Variants in RBFOX1 observed in about 807,000 individuals in gnomAD.
The protein encoded by RBFOX1 is RNA binding protein fox-1 homolog 1.
In RBFOX1, 8 loss-of-function variants were observed where a neutral mutation model predicts 57.7. The ratio of observed to expected loss-of-function variants is 0.14; its 90% CI spans 0.08 to 0.25. The LOEUF (loss-of-function observed/expected upper bound fraction) is 0.25, where lower values mean the gene tolerates loss of function less well. RBFOX1 is among the 10% of genes least tolerant of loss of function. The pLI is 1.00. For synonymous variants in RBFOX1, 326 were observed against 222.4 expected (o/e 1.47, Z -4.15); for missense variants, 611 against 548.5 (o/e 1.11, Z -1.14).
intron 2 of RBFOX1, among the ~76,000 whole-genome samples, chr16:6,590,867 T>C (rs1046836353): frequency 5.9e-5 from 9 of 152,044 alleles, no homozygotes; most frequent in Non-Finnish European, 2.9e-5. Flanking sequence ...TGTACAGTTA[T>C]AAGGAGTGAC....
chr16:6,984,959 C>G (rs572781377), intron 3 of RBFOX1, among the ~76,000 whole-genome samples: 2 of 152,068 alleles, frequency 1.3e-5, no homozygotes, highest in Admixed American at 6.6e-5. Context: ...ACTTACAAAT[C>G]TACTGTAAGG....
chr16:5,976,361 A>C (rs1441999352), intron 4 of RBFOX1, among the ~76,000 whole-genome samples: 2 of 152,120 alleles, frequency 1.3e-5, no homozygotes, highest in Non-Finnish European at 2.9e-5. Context: ...TAGTCTCTAA[A>C]ATGTTACATA....
chr16:6,901,180 G>C (rs1429884266), intron 3 of RBFOX1, among the ~76,000 whole-genome samples: 2 of 152,202 alleles, frequency 1.3e-5, no homozygotes, highest in African/African-American at 4.8e-5. Context: ...TCTAACATAG[G>C]TATTCAATAA....
chr16:6,202,146 C>T (rs765604665), intron 1 of RBFOX1, among the ~76,000 whole-genome samples: 21 of 152,264 alleles, frequency 1.4e-4, no homozygotes, highest in Non-Finnish European at 2.5e-4. Flanking sequence ...CAGTTTCTAA[C>T]GGAGCAACTT....
At chr16:6,781,007 A>G (rs996172869) in intron 3 of RBFOX1, among the ~76,000 whole-genome samples, 1 of 151,982 alleles carries the variant, frequency 6.6e-6, no homozygotes, top group African/African-American at 2.4e-5. Flanking sequence ...ATGTGATCCC[A>G]TTTGACCATT....
chr16:6,725,052 TTTTTTC>T (rs1422042342), intron 3 of RBFOX1, among the ~76,000 whole-genome samples: 21 of 51,180 alleles, frequency 4.1e-4, no homozygotes, highest in African/African-American at 8.2e-4. Context: ...CTTTTTTTTT[TTTTTTC>T]TTTTTTTTTT....
intron 4 of RBFOX1, among the ~76,000 whole-genome samples, chr16:5,955,010 G>A (rs1162650244): frequency 1.3e-5 from 2 of 149,446 alleles, no homozygotes; most frequent in Non-Finnish European, 3.0e-5. Flanking sequence ...GCTGGACGTG[G>A]CAGCTCATCC....
At chr16:6,735,049 G>A (rs2069760678) in intron 3 of RBFOX1, among the ~76,000 whole-genome samples, 1 of 152,070 alleles carries the variant, frequency 6.6e-6, no homozygotes, top group Non-Finnish European at 1.5e-5. Flanking sequence ...GAAGACTGAG[G>A]TGGAGGGATC....
At chr16:6,295,641 T>C (rs1197677332) in intron 1 of RBFOX1, among the ~76,000 whole-genome samples, 3 of 152,218 alleles carry the variant, frequency 2.0e-5, no homozygotes, top group Non-Finnish European at 4.4e-5. Context: ...TTATGAGCGG[T>C]CTCATTTCAC....
intron 3 of RBFOX1, among the ~76,000 whole-genome samples, chr16:6,993,771 A>C (rs887380312): frequency 3.0e-4 from 45 of 152,116 alleles, no homozygotes; most frequent in African/African-American, 1.1e-3. Context: ...GGAGATCATA[A>C]ATCTGCCATC....
At chr16:6,744,908 G>C (rs1408395305) in intron 3 of RBFOX1, among the ~76,000 whole-genome samples, 1 of 151,974 alleles carries the variant, frequency 6.6e-6, no homozygotes, top group Non-Finnish European at 1.5e-5. Context: ...CTGGTGTTTT[G>C]AGAAAATTAG....
intron 1 of RBFOX1, among the ~76,000 whole-genome samples, chr16:6,152,346 T>C (rs1287607453): frequency 6.6e-6 from 1 of 152,132 alleles, no homozygotes; most frequent in Non-Finnish European, 1.5e-5. Flanking sequence ...CTCTCTCTCT[T>C]TTTAACTAGC....
chr16:7,202,125 T>G (rs1230655542), intron 4 of RBFOX1, among the ~76,000 whole-genome samples: 1 of 151,164 alleles, frequency 6.6e-6, no homozygotes. Flanking sequence ...CACAGCAATA[T>G]AAACAACTTG....
At chr16:7,358,756 G>A (rs1300175985) in intron 4 of RBFOX1, among the ~76,000 whole-genome samples, 1 of 152,130 alleles carries the variant, frequency 6.6e-6, no homozygotes, top group Non-Finnish European at 1.5e-5. Context: ...GTAGTCACAG[G>A]TGGTAGGTGG....
intron 4 of RBFOX1, among the ~76,000 whole-genome samples, chr16:7,420,965 A>ATG (rs1225894439): frequency 2.7e-5 from 4 of 148,020 alleles, no homozygotes; most frequent in Non-Finnish European, 4.5e-5. Flanking sequence ...ACACACATAT[A>ATG]TATATATATG....
chr16:6,390,237 C>T (rs901644647), intron 2 of RBFOX1, among the ~76,000 whole-genome samples: 1 of 152,138 alleles, frequency 6.6e-6, no homozygotes, highest in Non-Finnish European at 1.5e-5. Flanking sequence ...AAACCTGAGT[C>T]TTTTTACCTA....
intron 3 of RBFOX1, among the ~76,000 whole-genome samples, chr16:6,859,346 C>A (rs762649972): frequency 3.3e-5 from 5 of 151,262 alleles, no homozygotes; most frequent in Non-Finnish European, 5.9e-5. Flanking sequence ...GTCAAAAATT[C>A]TATGCAAAAT....
intron 1 of RBFOX1, among the ~76,000 whole-genome samples, chr16:5,410,856 G>A (rs187009316): frequency 3.9e-5 from 6 of 152,268 alleles, no homozygotes; most frequent in South Asian, 2.1e-4. Context: ...AGTCATATAC[G>A]CATGGATTTA....
chr16:6,803,189 T>C (rs2085903198), intron 3 of RBFOX1, among the ~76,000 whole-genome samples: 2 of 152,120 alleles, frequency 1.3e-5, no homozygotes, highest in African/African-American at 2.4e-5. Flanking sequence ...CACCAAATGA[T>C]TGAAAATAGT....
Sources: gnomAD v4.1 joint callset for allele counts (sites outside exome capture counted in the v4.1 genomes callset) on GRCh38, gnomAD v4.1.1 for gene constraint, MANE v1.5 for transcripts, NCBI Gene and HGNC (gene_info 2026-07-23, HGNC 2026-07-21) for gene names.